The following CSMD1 variants were observed in gnomAD, a reference collection of about 807,000 sequenced individuals.
CSMD1 encodes CUB and Sushi multiple domains 1, also known as CUB and sushi domain-containing protein 1.
A neutral mutation model predicts 417.5 loss-of-function variants in CSMD1; 213 were observed. The ratio of observed to expected loss-of-function variants is 0.51; its 90% CI spans 0.46 to 0.57. The LOEUF is 0.57. Ranked by LOEUF, CSMD1 falls within the 20% of genes least tolerant of loss-of-function variation. The pLI, the probability that CSMD1 is intolerant of heterozygous loss-of-function variation, is 0.00. For synonymous variants in CSMD1, 2,862 were observed against 1,736.8 expected (o/e 1.65, Z -16.11); for missense variants, 6,923 against 4,529.7 (o/e 1.53, Z -15.17).
At position 4,870,426 on chromosome 8, in the gene CSMD1, A is replaced by G. The variant is rs189017304; in HGVS notation, c.85+123906T>C. ...AGACCTCAATTTTCTTAAAGGATGC[A>G]TAGTATTCCATAACTTGAATGCACT... On this transcript the variant is annotated intron_variant, in intron 1 of 69. Coordinates refer to ENST00000635120, the MANE Select transcript of CSMD1 (RefSeq NM_033225.6). 4.1e-4 allele frequency among the ~76,000 whole-genome samples: 62 copies of G among 152,284 alleles called. 1 individual carries two copies. The highest frequency in any genetic ancestry group is 4.0e-3 in the Admixed American group (61 of 15,294).
At chr8:3,968,614 T>C (rs376534191) in intron 5 of CSMD1, among the ~76,000 whole-genome samples, 12 of 152,174 alleles carry the variant, frequency 7.9e-5, no homozygotes, top group Admixed American at 7.2e-4. Flanking sequence ...AAGGAAGATG[T>C]CTTTCTCTAC....
chr8:4,355,601 G>C (rs1162798331), intron 3 of CSMD1, among the ~76,000 whole-genome samples: 1 of 151,960 alleles, frequency 6.6e-6, no homozygotes, highest in Non-Finnish European at 1.5e-5. Flanking sequence ...TGTTCAGACA[G>C]AAGAATAACT....
chr8:3,443,972 A>C (rs1185373524), intron 12 of CSMD1, among the ~76,000 whole-genome samples: 3 of 152,186 alleles, frequency 2.0e-5, no homozygotes, highest in African/African-American at 7.2e-5. Flanking sequence ...CTGGGTGAGG[A>C]AAGGACTACA....
chr8:3,601,920 G>C (rs1339555293), intron 8 of CSMD1, among the ~76,000 whole-genome samples: 1 of 152,050 alleles, frequency 6.6e-6, no homozygotes, highest in Non-Finnish European at 1.5e-5. Context: ...GAGGGTTATA[G>C]CACATTCTGT....
intron 3 of CSMD1, among the ~76,000 whole-genome samples, chr8:4,106,840 G>C (rs565310799): frequency 5.1e-4 from 78 of 152,220 alleles, no homozygotes; most frequent in African/African-American, 1.7e-3. Flanking sequence ...TCCGAAGTCA[G>C]AGAGAAAAGA....
rs117210536 is a variant in CSMD1, at chr8:4,017,474, T to G, written c.610+14431A>C. Among the ~76,000 whole-genome samples, 22 of 152,174 alleles carry G rather than the reference T, an allele frequency of 1.4e-4. No individual in the cohort carries two copies. The East Asian group carries it at 3.7e-3, about 26-fold the overall frequency. The stretch of plus-strand genomic sequence containing the variant: ...GGCATGCACCAGCATTCCCAGCTAA[T>G]TTTGTTTTTTTAGTAGAGACGGGGT... On this transcript the variant is annotated intron_variant, in intron 4 of 69. Coordinates refer to ENST00000635120, the MANE Select transcript of CSMD1 (RefSeq NM_033225.6).
In CSMD1 at chr8:3,088,833, A is replaced by T. The variant is rs539703646; in HGVS notation, c.7286-1548T>A. 2.1e-3 allele frequency among the ~76,000 whole-genome samples: 280 copies of T among 131,248 alleles called. 2 individuals carry two copies. The highest frequency in any genetic ancestry group is 3.3e-3 in the Admixed American group (41 of 12,314). 86.1% of individuals were successfully genotyped at this position (131,248 alleles called of 152,430 possible). On this transcript the variant is annotated intron_variant, in intron 48 of 69. Coordinates refer to ENST00000635120, the MANE Select transcript of CSMD1 (RefSeq NM_033225.6). Reference sequence around the variant, plus strand: ...CCCTGAATATCAATGGCTTGGAATCACTGTGCTAGTAAAAAAAAAAAAAAA... The same window carrying T: ...CCCTGAATATCAATGGCTTGGAATCTCTGTGCTAGTAAAAAAAAAAAAAAA...
intron 1 of CSMD1, among the ~76,000 whole-genome samples, chr8:4,921,966 A>T (rs1806526825): frequency 6.6e-6 from 1 of 152,228 alleles, no homozygotes; most frequent in East Asian, 1.9e-4. Context: ...TGCCCTCTTC[A>T]CTCAGCCAAA....
At chr8:3,791,517 G>C (rs1286892251) in intron 5 of CSMD1, among the ~76,000 whole-genome samples, 1 of 152,138 alleles carries the variant, frequency 6.6e-6, no homozygotes, top group South Asian at 2.1e-4. Flanking sequence ...ACAAGGGTAT[G>C]GACAATTTTA....
chr8:4,756,922 G>T (rs1419785574), intron 1 of CSMD1, among the ~76,000 whole-genome samples: 1 of 152,250 alleles, frequency 6.6e-6, no homozygotes, highest in Non-Finnish European at 1.5e-5. Flanking sequence ...GGAAACAGCT[G>T]TGAAAGCTGA....
intron 2 of CSMD1, among the ~76,000 whole-genome samples, chr8:4,432,071 A>C (rs1186195857): frequency 1.3e-5 from 2 of 152,222 alleles, no homozygotes; most frequent in Admixed American, 1.3e-4. Context: ...TAAAACAGAC[A>C]GGATTAGAAT....
chr8:3,742,446 C>G (rs1218218902), intron 6 of CSMD1, among the ~76,000 whole-genome samples: 5 of 152,182 alleles, frequency 3.3e-5, no homozygotes, highest in Admixed American at 3.3e-4. Context: ...GCTCCTCTAT[C>G]TAATGCTTAC....
intron 7 of CSMD1, among the ~76,000 whole-genome samples, chr8:3,644,758 C>T (rs908767976): frequency 6.6e-6 from 1 of 151,992 alleles, no homozygotes; most frequent in Non-Finnish European, 1.5e-5. Flanking sequence ...GACAGAATTG[C>T]AGAATCACAA....
chr8:3,059,714 G>C (rs1563292135), intron 49 of CSMD1, among the ~76,000 whole-genome samples: 3 of 152,170 alleles, frequency 2.0e-5, no homozygotes. Flanking sequence ...CAGCCCATGA[G>C]AGAGAGGAGA....
intron 2 of CSMD1, among the ~76,000 whole-genome samples, chr8:4,424,143 C>A (rs534882434): frequency 2.6e-5 from 4 of 151,946 alleles, no homozygotes; most frequent in Admixed American, 1.3e-4. Context: ...GACAGAGTTT[C>A]TATGCTTGAC....
At chr8:4,944,087 G>T (rs1427977040) in intron 1 of CSMD1, among the ~76,000 whole-genome samples, 1 of 152,132 alleles carries the variant, frequency 6.6e-6, no homozygotes, top group Non-Finnish European at 1.5e-5. Flanking sequence ...GAGGAAGTTT[G>T]GAGTAGAAGG....
chr8:4,320,087 A>T (rs1029883230), intron 3 of CSMD1, among the ~76,000 whole-genome samples: 1 of 152,212 alleles, frequency 6.6e-6, no homozygotes, highest in Non-Finnish European at 1.5e-5. Context: ...AACAAACATT[A>T]CATGTTCAAA....
intron 3 of CSMD1, among the ~76,000 whole-genome samples, chr8:4,334,906 G>A (rs984211574): frequency 3.9e-5 from 6 of 151,962 alleles, no homozygotes; most frequent in Admixed American, 2.6e-4. Flanking sequence ...TGTCAGTGAG[G>A]ACCCACTTTC....
At chr8:3,703,115 TC>T (rs1391149317) in intron 7 of CSMD1, among the ~76,000 whole-genome samples, 4 of 152,230 alleles carry the variant, frequency 2.6e-5, no homozygotes, top group Admixed American at 6.5e-5. Context: ...TTTGGGTTTT[TC>T]TTCAAACATT....
Sources: gnomAD v4.1 joint callset for allele counts (sites outside exome capture counted in the v4.1 genomes callset) on GRCh38, gnomAD v4.1.1 for gene constraint, MANE v1.5 for transcripts, NCBI Gene and HGNC (gene_info 2026-07-23, HGNC 2026-07-21) for gene names.